Variants in RAPGEF6 observed in about 807,000 individuals in gnomAD.
The protein encoded by RAPGEF6 is PDZ domain containing guanine nucleotide exchange factor (GEF) 2.
Under a neutral mutation model 171.4 loss-of-function variants are expected in RAPGEF6, and 56 were observed. The observed-to-expected ratio is 0.33, with a 90% confidence interval of 0.26 to 0.41. The LOEUF (loss-of-function observed/expected upper bound fraction) is 0.41, where lower values mean the gene tolerates loss of function less well. RAPGEF6 is among the 10% of genes least tolerant of loss of function. The pLI is 1.00. For missense variants in RAPGEF6, 1,674 were observed against 1,921.4 expected (o/e 0.87, Z 2.41); for synonymous variants, 692 against 650.1 (o/e 1.06, Z -0.98).
intron 4 of RAPGEF6, among the ~76,000 whole-genome samples, chr5:131,581,577 C>G (rs572897871): frequency 7.4e-4 from 113 of 152,270 alleles, no homozygotes; most frequent in South Asian, 6.4e-3. Context: ...CGTGCCGCCC[C>G]TAATCCAGCT....
In RAPGEF6 at chr5:131,429,097, G is replaced by A; in HGVS notation, c.4585C>T (p.Pro1529Ser). Residue 1529 changes from proline to serine, a missense_variant, in exon 27 of 28, where the codon CCT (proline) becomes TCT (serine). Pro to Ser is a moderately conservative substitution (Grantham distance 74). Around this residue, in one of 3 missense-constraint regions of RAPGEF6, gnomAD observed 552 missense variants for 574.2 expected, o/e 0.96. Coordinates refer to ENST00000509018, the MANE Select transcript of RAPGEF6 (RefSeq NM_016340.6). ...LKEGPHTHLK[P>S]PDYSVAVQRS... The stretch of plus-strand genomic sequence containing the variant: ...TGCACTGCCACACTATAATCTGGAG[G>A]TTTTAGGTGTGTGTGGGGTCCTTCC... 6.2e-7 allele frequency: 1 copy of A among 1,614,144 alleles called. No individual in the cohort carries two copies. Among genetic ancestry groups the A allele is most frequent in the Non-Finnish European group, 8.5e-7 (1 of 1,180,020 alleles).
At chr5:131,577,378 T>TC (rs1762668891) in intron 4 of RAPGEF6, among the ~76,000 whole-genome samples, 1 of 152,184 alleles carries the variant, frequency 6.6e-6, no homozygotes, top group Non-Finnish European at 1.5e-5. Flanking sequence ...CCATTTGCCC[T>TC]CCTTAGAATT....
At chr5:131,561,867 A>T in intron 5 of RAPGEF6, 111 bp downstream of exon 5, 2 of 792,158 alleles carry the variant, frequency 2.5e-6, no homozygotes, top group Non-Finnish European at 4.2e-6. Context: ...ACTTGATGAA[A>T]TCTCTAAAAG....
At chr5:131,581,384 T>C (rs560171107) in intron 4 of RAPGEF6, among the ~76,000 whole-genome samples, 1 of 152,182 alleles carries the variant, frequency 6.6e-6, no homozygotes, top group Admixed American at 6.5e-5. Flanking sequence ...AGTCCTCTAA[T>C]ACCTATCTTC....
intron 19 of RAPGEF6, among the ~76,000 whole-genome samples, chr5:131,460,203 A>G (rs1404019540): frequency 6.6e-6 from 1 of 151,570 alleles, no homozygotes; most frequent in Non-Finnish European, 1.5e-5. Flanking sequence ...TTTCCTATCC[A>G]CTCCCTTCTT....
At chr5:131,549,518 A>G (rs919228694) in intron 5 of RAPGEF6, among the ~76,000 whole-genome samples, 1 of 152,196 alleles carries the variant, frequency 6.6e-6, no homozygotes, top group Non-Finnish European at 1.5e-5. Context: ...AGAAGAGATT[A>G]ATAATAAAAT....
chr5:131,527,295 A>T (rs1233073490), intron 6 of RAPGEF6, among the ~76,000 whole-genome samples: 3 of 151,498 alleles, frequency 2.0e-5, no homozygotes, highest in African/African-American at 4.9e-5. Flanking sequence ...ACAAAACAAC[A>T]ACAACAACAA....
At chr5:131,508,424 A>C (rs1226825154) in intron 8 of RAPGEF6, among the ~76,000 whole-genome samples, 1 of 152,216 alleles carries the variant, frequency 6.6e-6, no homozygotes, top group East Asian at 1.9e-4. Context: ...GCATATTGGA[A>C]GATAACAGAA....
At position 131,430,866 on chromosome 5, in the gene RAPGEF6, G is replaced by A. The variant is rs148703050; in HGVS notation, c.4458C>T (p.Gly1486=). 5.0e-6 allele frequency: 8 copies of A among 1,597,140 alleles called. No homozygotes were observed. The highest frequency in any genetic ancestry group is 6.0e-6 in the Non-Finnish European group (7 of 1,174,046). ...YKTVTSSTEK[G]LIVYCVTSPK... ...AACAAAAACACAACTTACCAATCAA[G>A]CCCTTTTCTGTACTTGAAGTGACAG... The change falls in exon 26 of 28, where the codon GGC becomes GGT. Residue 1486 remains glycine (G), a synonymous_variant. Transcript: ENST00000509018.
In RAPGEF6 at chr5:131,592,423, A is replaced by T. The variant is rs1022971493; in HGVS notation, c.241T>A (p.Ser81Thr). ...ACCATGGAGCCTTTCACAAGCACAGATCCAGAAAGTAGGATATACCAACAT... is the reference window on the plus strand; with the variant it reads ...ACCATGGAGCCTTTCACAAGCACAGTTCCAGAAAGTAGGATATACCAACAT... ...ARCWYILLSG[S>T]VLVKGSMVLP... The change falls in exon 4 of 28, where the codon TCT becomes ACT. Residue 81 changes from serine to threonine, a missense_variant. By Grantham distance (58) the Ser-to-Thr change is moderately conservative. Transcript: ENST00000509018. The T allele has an allele frequency of 6.2e-7, 1 of 1,613,846 alleles. No individual in the cohort carries two copies. The highest frequency in any genetic ancestry group is 8.5e-7 in the Non-Finnish European group (1 of 1,179,886).
At chr5:131,557,888 T>C (rs1467693150) in intron 5 of RAPGEF6, among the ~76,000 whole-genome samples, 4 of 152,196 alleles carry the variant, frequency 2.6e-5, no homozygotes, top group African/African-American at 9.6e-5. Context: ...TCTGTATGTA[T>C]TACTGAAATT....
chr5:131,615,848 C>T lies in RAPGEF6; in HGVS notation c.70-11155G>A, dbSNP rs571783134. On this transcript the variant is annotated intron_variant, in intron 1 of 27. Coordinates refer to ENST00000509018, the MANE Select transcript of RAPGEF6 (RefSeq NM_016340.6). ...ACCCGGGCACGGAGGCTGCAGTGAG[C>T]GGAGATCACACCACTGTACTCCAGC... Among the ~76,000 whole-genome samples the T allele has an allele frequency of 5.3e-5, 8 of 151,690 alleles. No individual in the cohort carries two copies. The South Asian group carries it at 8.3e-4, about 16-fold the overall frequency.
chr5:131,627,883 G>A (rs1766039157), intron 1 of RAPGEF6, among the ~76,000 whole-genome samples: 1 of 152,028 alleles, frequency 6.6e-6, no homozygotes, highest in Non-Finnish European at 1.5e-5. Context: ...TTGCTATGGT[G>A]GCCTGTGATC....
intron 1 of RAPGEF6, among the ~76,000 whole-genome samples, chr5:131,605,002 C>A (rs183498896): frequency 1.3e-4 from 20 of 152,280 alleles, no homozygotes; most frequent in Non-Finnish European, 2.1e-4. Flanking sequence ...TGTAAACTTT[C>A]CTTCTTTAGT....
At chr5:131,547,113 G>A (rs1048114467) in intron 6 of RAPGEF6, among the ~76,000 whole-genome samples, 1 of 152,096 alleles carries the variant, frequency 6.6e-6, no homozygotes, top group African/African-American at 2.4e-5. Context: ...AATGCAATTA[G>A]GCAAATGTGA....
chr5:131,526,181 T>C (rs2189383), intron 6 of RAPGEF6, among the ~76,000 whole-genome samples: 139,643 of 152,242 alleles, frequency 0.92, 64,244 homozygotes, highest in Middle Eastern at 0.98. Context: ...ATAGCATCTG[T>C]TTTCTACTTC....
intron 20 of RAPGEF6, among the ~76,000 whole-genome samples, chr5:131,455,205 T>C (rs1208340669): frequency 6.6e-6 from 1 of 152,166 alleles, no homozygotes; most frequent in Non-Finnish European, 1.5e-5. Flanking sequence ...AGCAACAATA[T>C]CTTGTGTTAA....
At chr5:131,521,369 T>C (rs1758466522) in intron 7 of RAPGEF6, 21 bp downstream of exon 7, 4 of 1,575,782 alleles carry the variant, frequency 2.5e-6, no homozygotes, top group African/African-American at 2.7e-5. Context: ...ATACGCAGCA[T>C]ACAAATTCCT....
intron 15 of RAPGEF6, among the ~76,000 whole-genome samples, chr5:131,481,509 C>G (rs953238210): frequency 1.3e-5 from 2 of 152,094 alleles, no homozygotes; most frequent in Non-Finnish European, 2.9e-5. Context: ...GGATTACAGG[C>G]GTTAAGCCAC....
Sources: allele counts gnomAD v4.1 joint callset (sites outside exome capture counted in the v4.1 genomes callset), GRCh38; gene constraint gnomAD v4.1.1; regional missense constraint gnomAD v4.1.1; transcripts MANE v1.5; gene names NCBI Gene and HGNC (gene_info 2026-07-23, HGNC 2026-07-21).